Variants in SHISA9 observed in about 807,000 individuals in gnomAD.
SHISA9 encodes the protein shisa family member 9, also known as protein shisa-9.
SHISA9 carries 13 observed loss-of-function variants against 38.0 expected under a neutral mutation model. The observed-to-expected ratio is 0.34, with a 90% CI of 0.22 to 0.54. The LOEUF (loss-of-function observed/expected upper bound fraction) is 0.54, where lower values mean the gene tolerates loss of function less well. SHISA9 is among the 20% of genes least tolerant of loss of function. The probability of loss-of-function intolerance (pLI) is 0.91; values close to 1 mark genes in which losing one functional copy is unlikely to be tolerated. For missense variants in SHISA9, 538 were observed against 575.8 expected, an observed-to-expected ratio of 0.93 and a Z score of 0.67; for synonymous variants, 275 against 242.0, an observed-to-expected ratio of 1.14 and a Z score of -1.27.
At chr16:13,247,646 C>T in the SHISA9 span, among the ~76,000 whole-genome samples, 5 of 152,202 alleles carry the variant, frequency 3.3e-5, no homozygotes, top group African/African-American at 1.2e-4. Flanking sequence ...CTTGGCATCT[C>T]ACTTATTTTC....
chr16:13,459,736 C>T, the SHISA9 span, among the ~76,000 whole-genome samples: 1 of 152,034 alleles, frequency 6.6e-6, no homozygotes, highest in African/African-American at 2.4e-5. Context: ...GCCTGGAGAC[C>T]TTAATGGAAG....
intron 2 of SHISA9, among the ~76,000 whole-genome samples, chr16:13,174,559 G>T (rs1003856740): frequency 6.6e-6 from 1 of 152,224 alleles, no homozygotes; most frequent in Non-Finnish European, 1.5e-5. Context: ...AGAAATTTGA[G>T]AAATATTTAT....
At chr16:13,078,937 G>A (rs1194508851) in intron 2 of SHISA9, among the ~76,000 whole-genome samples, 1 of 152,214 alleles carries the variant, frequency 6.6e-6, no homozygotes, top group Non-Finnish European at 1.5e-5. Flanking sequence ...CATGTCTGAT[G>A]TTCTCTAGAA....
chr16:13,121,151 C>T (rs766260367), intron 2 of SHISA9, among the ~76,000 whole-genome samples: 5 of 151,810 alleles, frequency 3.3e-5, no homozygotes, highest in Non-Finnish European at 5.9e-5. Flanking sequence ...CAGGGGGAGA[C>T]CCCCTGTCTC....
At chr16:13,044,696 T>G (rs1321716754) in intron 2 of SHISA9, among the ~76,000 whole-genome samples, 1 of 152,074 alleles carries the variant, frequency 6.6e-6, no homozygotes, top group Non-Finnish European at 1.5e-5. Context: ...GGCTCCGAGG[T>G]GAGAGGGCAT....
the SHISA9 span, among the ~76,000 whole-genome samples, chr16:13,539,563 A>G: frequency 4.6e-5 from 7 of 151,998 alleles, no homozygotes; most frequent in African/African-American, 1.7e-4. Context: ...ACTTTTTGCT[A>G]TTATTTTGAA....
intron 1 of SHISA9, among the ~76,000 whole-genome samples, chr16:12,905,573 G>A (rs1317733109): frequency 6.6e-6 from 1 of 151,436 alleles, no homozygotes; most frequent in Non-Finnish European, 1.5e-5. Flanking sequence ...AGGAGCCACT[G>A]TGAATCTCTT....
chr16:13,088,720 TG>T (rs1443445165), intron 2 of SHISA9, among the ~76,000 whole-genome samples: 1 of 152,220 alleles, frequency 6.6e-6, no homozygotes, highest in Non-Finnish European at 1.5e-5. Flanking sequence ...GCTGAGATGA[TG>T]GGGTTTTCTA....
chr16:12,944,334 T>G (rs1414517612), intron 2 of SHISA9, among the ~76,000 whole-genome samples: 1 of 152,234 alleles, frequency 6.6e-6, no homozygotes, highest in Non-Finnish European at 1.5e-5. Flanking sequence ...GCAACATTTC[T>G]TTCTAGAAGA....
At chr16:13,504,010 C>G in the SHISA9 span, among the ~76,000 whole-genome samples, 4 of 152,138 alleles carry the variant, frequency 2.6e-5, no homozygotes, top group African/African-American at 9.7e-5. Context: ...TAATCAAATA[C>G]CTGCAAAGTA....
chr16:13,191,805 G>A (rs1444583474), intron 2 of SHISA9, among the ~76,000 whole-genome samples: 1 of 152,216 alleles, frequency 6.6e-6, no homozygotes, highest in African/African-American at 2.4e-5. Context: ...GGCAGGACCA[G>A]TGTGGCCTCA....
chr16:12,934,035 C>A (rs889558185), intron 2 of SHISA9, among the ~76,000 whole-genome samples: 2 of 152,038 alleles, frequency 1.3e-5, no homozygotes, highest in Non-Finnish European at 2.9e-5. Flanking sequence ...GGGGAAAGGG[C>A]ATTCTAGCCA....
At chr16:13,132,470 G>C (rs536998093) in intron 2 of SHISA9, among the ~76,000 whole-genome samples, 1 of 152,222 alleles carries the variant, frequency 6.6e-6, no homozygotes, top group East Asian at 1.9e-4. Context: ...TTTTGGACTG[G>C]ATAATTCTTT....
At chr16:13,136,396 CTTTTTTTTT>C (rs35122409) in intron 2 of SHISA9, among the ~76,000 whole-genome samples, 5 of 68,090 alleles carry the variant, frequency 7.3e-5, no homozygotes, top group African/African-American at 1.3e-4. Context: ...CAGTTTCCTT[CTTTTTTTTT>C]TTTTTTTTTT....
the SHISA9 span, among the ~76,000 whole-genome samples, chr16:13,428,171 G>A: frequency 3.5e-4 from 52 of 147,578 alleles, no homozygotes; most frequent in African/African-American, 1.2e-3. Flanking sequence ...GTGATGAAAG[G>A]GACTGCCATA....
chr16:13,290,550 G>A, the SHISA9 span, among the ~76,000 whole-genome samples: 1 of 152,160 alleles, frequency 6.6e-6, no homozygotes, highest in African/African-American at 2.4e-5. Flanking sequence ...TATCCAGGAT[G>A]ATTAATCTGA....
intron 1 of SHISA9, among the ~76,000 whole-genome samples, chr16:12,915,995 T>TTGTG (rs1365043977): frequency 2.1e-5 from 2 of 94,408 alleles, no homozygotes; most frequent in East Asian, 2.8e-4. Context: ...AGTTTTTTTT[T>TTGTG]TGTGTGTGTG....
the SHISA9 span, among the ~76,000 whole-genome samples, chr16:13,289,626 G>A: frequency 6.6e-6 from 1 of 151,954 alleles, no homozygotes; most frequent in African/African-American, 2.4e-5. Context: ...AGAAAAATTG[G>A]GTAGGGAGAG....
chr16:13,427,550 T>A, the SHISA9 span, among the ~76,000 whole-genome samples: 1 of 152,096 alleles, frequency 6.6e-6, no homozygotes, highest in African/African-American at 2.4e-5. Flanking sequence ...GTGGAAGACA[T>A]GTGGCTTGAG....
Sources: allele counts gnomAD v4.1 joint callset (sites outside exome capture counted in the v4.1 genomes callset), GRCh38; gene constraint gnomAD v4.1.1; transcripts MANE v1.5; gene names NCBI Gene and HGNC (gene_info 2026-07-23, HGNC 2026-07-21).